BDNF: variants seen among roughly 807,000 people sequenced by gnomAD.
BDNF encodes the protein neurotrophic factor BDNF precursor form.
Under a neutral mutation model 19.5 loss-of-function variants are expected in BDNF, and 1 was observed. That is an observed-to-expected ratio of 0.05 (90% confidence interval 0.02 to 0.24). The LOEUF is 0.24. BDNF is among the 10% of genes least tolerant of loss of function. BDNF has a pLI of 1.00. For missense variants in BDNF, 195 were observed against 317.6 expected (o/e 0.61, Z 2.93); for synonymous variants, 100 against 121.6 (o/e 0.82, Z 1.17).
chr11:27,676,002 T>G (rs1205844095), intron 1 of BDNF: 1 of 152,170 alleles, frequency 6.6e-6, no homozygotes, highest in Non-Finnish European at 1.5e-5. Context: ...GTGTGGCAAG[T>G]TAGATGATGA....
chr11:27,671,779 G>A (rs1855420971), intron 1 of BDNF, among the ~76,000 whole-genome samples: 1 of 152,036 alleles, frequency 6.6e-6, no homozygotes, highest in Non-Finnish European at 1.5e-5. Flanking sequence ...AAGAAATGCA[G>A]AATCTCAACT....
intron 1 of BDNF, among the ~76,000 whole-genome samples, chr11:27,715,040 C>G (rs1384983867): frequency 1.6e-4 from 24 of 152,044 alleles, no homozygotes; most frequent in Admixed American, 1.6e-3. Flanking sequence ...AGATAGGGAC[C>G]ATTTGGTCTT....
At chr11:27,721,871 A>AAAC (rs1860745155) in exon 1 of BDNF, 1 of 186,198 alleles carries the variant, frequency 5.4e-6, no homozygotes, top group African/African-American at 2.3e-5. Context: ...GTAAAAAAAA[A>AAAC]AACTCAGCCT....
At chr11:27,665,034 T>A (rs1418275655) in intron 1 of BDNF, among the ~76,000 whole-genome samples, 7 of 152,252 alleles carry the variant, frequency 4.6e-5, no homozygotes, top group Admixed American at 4.6e-4. Context: ...GTTTTTTGTT[T>A]ACAGGACCCA....
upstream of BDNF, among the ~76,000 whole-genome samples, chr11:27,701,787 G>A (rs56133711): frequency 0.19 from 28,271 of 152,228 alleles, 3,083 homozygotes; most frequent in Non-Finnish European, 0.25. Flanking sequence ...TTCCGTTCCA[G>A]GGCATTGCAT....
At chr11:27,706,465 C>A (rs1860114576) in intron 1 of BDNF, among the ~76,000 whole-genome samples, 1 of 152,142 alleles carries the variant, frequency 6.6e-6, no homozygotes, top group South Asian at 2.1e-4. Flanking sequence ...CAATTTATAT[C>A]TTATTTCATT....
chr11:27,666,471 C>T (rs560247697), intron 1 of BDNF, among the ~76,000 whole-genome samples: 2 of 152,282 alleles, frequency 1.3e-5, no homozygotes, highest in East Asian at 3.9e-4. Context: ...TAATAACAAA[C>T]TCCTCCGAGC....
rs1852526702 is a variant in BDNF at position 27,656,208 on chromosome 11, CA to C, written c.*1612del. On this transcript the variant is annotated 3_prime_UTR_variant, in exon 2 of 2. Coordinates refer to ENST00000356660, the MANE Select transcript of BDNF (RefSeq NM_001709.5). ...ACCCTGGTTTCCTCAAGTCTAGTTT[CA>C]AAGCAATAAGTGTTCAGGTAGCAAA... is the stretch of plus-strand genomic sequence containing the variant. 6.6e-6 allele frequency: 1 copy of C among 152,140 alleles called. No individual in the cohort carries two copies. Among genetic ancestry groups the C allele is most frequent in the Non-Finnish European group, 1.5e-5 (1 of 68,042 alleles). The allele number at this position is 152,140 out of a possible 1,614,324, so 9.4% of individuals were successfully genotyped here. A position where few individuals can be genotyped will look rare whatever the true frequency, so the allele number is the denominator to read the frequency against.
intron 1 of BDNF, among the ~76,000 whole-genome samples, chr11:27,671,151 C>G (rs1455984764): frequency 6.6e-6 from 1 of 151,852 alleles, no homozygotes; most frequent in African/African-American, 2.4e-5. Flanking sequence ...ACACTGGGAC[C>G]TGTCATGGAG....
chr11:27,666,155 AGG>A (rs1215175163), intron 1 of BDNF, among the ~76,000 whole-genome samples: 1 of 122,510 alleles, frequency 8.2e-6, no homozygotes, highest in East Asian at 2.8e-4. Flanking sequence ...CCAAGCAAAC[AGG>A]GTCTGGAGTG....
At chr11:27,674,934 C>G (rs997585239) in intron 1 of BDNF, 25 of 884,240 alleles carry the variant, frequency 2.8e-5, no homozygotes, top group Non-Finnish European at 3.4e-5. Flanking sequence ...AAAATAATAG[C>G]TAACATTTAT....
At chr11:27,700,520 G>GGCCCC, upstream of BDNF, 1 of 735,114 alleles carries the variant, frequency 1.4e-6, no homozygotes, top group Non-Finnish European at 1.6e-6. Context: ...AAACGGCGCC[G>GGCCCC]CCCCCCCCCC....
chr11:27,682,228 G>C (rs1321323929), intron 1 of BDNF, among the ~76,000 whole-genome samples: 2 of 151,882 alleles, frequency 1.3e-5, no homozygotes, highest in African/African-American at 2.4e-5. Context: ...ACCATCTGTA[G>C]AAGTTTCTAA....
intron 1 of BDNF, among the ~76,000 whole-genome samples, chr11:27,663,388 TA>T (rs1370400767): frequency 6.6e-6 from 1 of 152,188 alleles, no homozygotes; most frequent in East Asian, 1.9e-4. Flanking sequence ...ATATAGTACA[TA>T]GAACTAAAAA....
chr11:27,686,884 TG>T (rs1857556226), intron 1 of BDNF, among the ~76,000 whole-genome samples: 2 of 152,178 alleles, frequency 1.3e-5, no homozygotes, highest in South Asian at 4.1e-4. Context: ...TTACATGTCT[TG>T]GGTTTGCTCT....
intron 1 of BDNF, among the ~76,000 whole-genome samples, chr11:27,672,699 C>T (rs1378842017): frequency 6.6e-6 from 1 of 152,092 alleles, no homozygotes; most frequent in African/African-American, 2.4e-5. Context: ...ATAAAGTTCC[C>T]AGGAGGTAAC....
intron 1 of BDNF, among the ~76,000 whole-genome samples, chr11:27,660,696 T>C (rs1853320818): frequency 6.6e-6 from 1 of 152,030 alleles, no homozygotes; most frequent in Admixed American, 6.6e-5. Context: ...GATACCATCA[T>C]TGTGAAACTC....
intron 1 of BDNF, among the ~76,000 whole-genome samples, chr11:27,672,432 G>C (rs1383856828): frequency 6.6e-6 from 1 of 152,080 alleles, no homozygotes. Flanking sequence ...TCTGGTCCTT[G>C]TGAGTTCCTT....
chr11:27,702,689 G>A (rs546996746), upstream of BDNF, among the ~76,000 whole-genome samples: 35 of 152,222 alleles, frequency 2.3e-4, no homozygotes, highest in African/African-American at 8.2e-4. Context: ...ATTTACCTAA[G>A]GGTTTACAGT....
Sources: allele counts gnomAD v4.1 joint callset (sites outside exome capture counted in the v4.1 genomes callset), GRCh38; gene constraint gnomAD v4.1.1; transcripts MANE v1.5; gene names NCBI Gene and HGNC (gene_info 2026-07-23, HGNC 2026-07-21).